Variants in ZNF713 observed in about 807,000 individuals in gnomAD.
ZNF713 encodes zinc finger protein 713.
Under a neutral mutation model 28.7 loss-of-function variants are expected in ZNF713, and 21 were observed. The ratio of observed to expected loss-of-function variants is 0.73; its 90% CI spans 0.52 to 1.05. The LOEUF is 1.05. ZNF713 is among the 50% of genes least tolerant of loss of function. The pLI is 0.00. For synonymous variants in ZNF713, 167 were observed against 178.0 expected (o/e 0.94, Z 0.49); for missense variants, 458 against 532.4 (o/e 0.86, Z 1.37).
chr7:55,887,896 C>CAGGT (rs764810608), intron 1 of ZNF713, among the ~76,000 whole-genome samples: 9,212 of 82,238 alleles, frequency 0.11, 2,056 homozygotes, highest in East Asian at 0.21. Flanking sequence ...CGGGCGGCGG[C>CAGGT]GGCGGCGGGA....
At chr7:55,933,738 C>T (rs1562749029) in intron 6 of ZNF713, among the ~76,000 whole-genome samples, 2 of 152,144 alleles carry the variant, frequency 1.3e-5, no homozygotes, top group African/African-American at 2.4e-5. Context: ...GGGTCTGGCT[C>T]TTGTCACCCA....
intron 4 of ZNF713, among the ~76,000 whole-genome samples, chr7:55,922,609 G>A (rs1476421160): frequency 1.3e-5 from 2 of 151,686 alleles, no homozygotes; most frequent in African/African-American, 4.8e-5. Context: ...TCAGTCAGCA[G>A]CCATCAGCAT....
intron 4 of ZNF713, among the ~76,000 whole-genome samples, chr7:55,922,278 C>T (rs994199289): frequency 1.7e-4 from 26 of 152,248 alleles, no homozygotes; most frequent in African/African-American, 4.1e-4. Context: ...AGTGGCTTAA[C>T]GCCTGTAATC....
intron 1 of ZNF713, among the ~76,000 whole-genome samples, chr7:55,891,045 A>G (rs1208225958): frequency 6.6e-6 from 1 of 152,108 alleles, no homozygotes; most frequent in Non-Finnish European, 1.5e-5. Context: ...ACTCCCACAC[A>G]TGCTTGGAAC....
intron 4 of ZNF713, among the ~76,000 whole-genome samples, chr7:55,913,166 C>T (rs896002549): frequency 6.7e-6 from 1 of 149,764 alleles, no homozygotes; most frequent in Admixed American, 6.7e-5. Flanking sequence ...TGTATCTCTT[C>T]CAAAACCTGT....
chr7:55,912,829 G>C, intron 4 of ZNF713, 106 bp downstream of exon 4: 1 of 837,222 alleles, frequency 1.2e-6, no homozygotes, highest in Non-Finnish European at 2.0e-6. Flanking sequence ...CCAGAGCCCA[G>C]GAGATTCATG....
At chr7:55,925,781 C>T (rs971340569) in intron 6 of ZNF713, among the ~76,000 whole-genome samples, 1 of 152,096 alleles carries the variant, frequency 6.6e-6, no homozygotes, top group Non-Finnish European at 1.5e-5. Context: ...CCTTCCCTGA[C>T]AATGCTGGGA....
chr7:55,905,045 C>T (rs1039197658), intron 1 of ZNF713, among the ~76,000 whole-genome samples: 1 of 152,082 alleles, frequency 6.6e-6, no homozygotes, highest in Non-Finnish European at 1.5e-5. Flanking sequence ...CCTTTTAAGC[C>T]ACTCTTCTCT....
intron 6 of ZNF713, among the ~76,000 whole-genome samples, chr7:55,933,067 C>T (rs1369488217): frequency 6.6e-6 from 1 of 150,710 alleles, no homozygotes; most frequent in Non-Finnish European, 1.5e-5. Flanking sequence ...GAAACCCCAT[C>T]TCTATTAAAA....
intron 1 of ZNF713, among the ~76,000 whole-genome samples, chr7:55,902,527 A>G (rs1006861693): frequency 2.0e-5 from 3 of 152,172 alleles, no homozygotes; most frequent in Admixed American, 2.0e-4. Flanking sequence ...CTTACTACAC[A>G]ATCAAAATGG....
intron 6 of ZNF713, among the ~76,000 whole-genome samples, chr7:55,931,808 C>G (rs998186080): frequency 6.6e-5 from 10 of 152,222 alleles, no homozygotes; most frequent in Non-Finnish European, 1.3e-4. Flanking sequence ...AGTGGCATCA[C>G]AGCATGCTCA....
chr7:55,917,261 A>G (rs1785900014), intron 4 of ZNF713, among the ~76,000 whole-genome samples: 1 of 69,802 alleles, frequency 1.4e-5, no homozygotes, highest in African/African-American at 7.5e-5. Context: ...ATCTGCATGG[A>G]AAAAAAAAAA....
At chr7:55,930,808 C>CTG (rs1466832593) in intron 6 of ZNF713, among the ~76,000 whole-genome samples, 2 of 152,026 alleles carry the variant, frequency 1.3e-5, no homozygotes, top group Admixed American at 1.3e-4. Context: ...TTTCACCCTG[C>CTG]AACAGCAGAG....
At chr7:55,930,376 C>T (rs898387459) in intron 6 of ZNF713, among the ~76,000 whole-genome samples, 10 of 152,164 alleles carry the variant, frequency 6.6e-5, no homozygotes, top group African/African-American at 2.4e-4. Context: ...GAAGTCAGCA[C>T]AAAGATGTCC....
intron 6 of ZNF713, among the ~76,000 whole-genome samples, chr7:55,932,890 CAAAAAAAAA>C (rs61092452): frequency 6.3e-5 from 3 of 47,784 alleles, no homozygotes; most frequent in African/African-American, 8.9e-5. Context: ...GACTCCGTCT[CAAAAAAAAA>C]AAAAAAAAAA....
chr7:55,898,655 A>G (rs2331096), intron 1 of ZNF713, among the ~76,000 whole-genome samples: 124,941 of 152,162 alleles, frequency 0.82, 51,834 homozygotes, highest in East Asian at 0.95. Context: ...ATGAAATTTC[A>G]GTAGGGACAC....
At position 55,940,145 on chromosome 7, in the gene ZNF713, CTG is replaced by C. The variant is rs1276762619; in HGVS notation, c.*140_*141del. 1 of 1,352,434 alleles carries C rather than the reference CTG, an allele frequency of 7.4e-7. No homozygotes were observed. The highest frequency in any genetic ancestry group is 9.7e-7 in the Non-Finnish European group (1 of 1,032,574). 83.8% of individuals were successfully genotyped at this position (1,352,434 alleles called of 1,614,324 possible). A position where few individuals can be genotyped will look rare whatever the true frequency, so the allele number is the denominator to read the frequency against. ...TTTTTGTTTTGTTTTGTTTTTGAGA[CTG>C]AGTCTCACTCTGTCACCCAGGCTGA... On this transcript the variant is annotated 3_prime_UTR_variant, in exon 7 of 7. Coordinates refer to ENST00000429591, the MANE Select transcript of ZNF713 (RefSeq NM_182633.3).
intron 1 of ZNF713, among the ~76,000 whole-genome samples, chr7:55,898,936 A>G (rs1785521661): frequency 6.6e-6 from 1 of 152,316 alleles, no homozygotes; most frequent in East Asian, 1.9e-4. Context: ...AGAATGGCTT[A>G]TTATCAAAAA....
At chr7:55,887,821 CGGCGGGCGGCG>C (rs1785291777) in intron 1 of ZNF713, 141 bp downstream of exon 1, 1 of 2,508 alleles carries the variant, frequency 4.0e-4, no homozygotes, top group African/African-American at 9.0e-4. Context: ...GGGCGGCGGG[CGGCGGGCGGCG>C]GGCGGCGGGC....
Sources: gnomAD v4.1 joint callset for allele counts (sites outside exome capture counted in the v4.1 genomes callset) on GRCh38, gnomAD v4.1.1 for gene constraint, MANE v1.5 for transcripts, NCBI Gene and HGNC (gene_info 2026-07-23, HGNC 2026-07-21) for gene names.